PTPRM: variants seen among roughly 807,000 people sequenced by gnomAD.
PTPRM encodes the protein receptor-type tyrosine-protein phosphatase mu.
In PTPRM, 47 loss-of-function variants were observed where a neutral mutation model predicts 186.7. The ratio of observed to expected loss-of-function variants is 0.25; its 90% CI spans 0.20 to 0.32. PTPRM has a LOEUF of 0.32. Ranked by LOEUF, PTPRM falls within the 10% of genes least tolerant of loss-of-function variation. The pLI is 1.00. For missense variants in PTPRM, 1,494 were observed against 1,865.0 expected (o/e 0.80, Z 3.66); for synonymous variants, 668 against 674.9 (o/e 0.99, Z 0.16).
intron 3 of PTPRM, among the ~76,000 whole-genome samples, chr18:7,895,666 C>T (rs189488942): frequency 2.0e-5 from 3 of 152,304 alleles, no homozygotes; most frequent in East Asian, 3.9e-4. Flanking sequence ...TCTTCCAGAA[C>T]GTCCATTTCT....
intron 14 of PTPRM, among the ~76,000 whole-genome samples, chr18:8,153,758 T>C (rs118021759): frequency 0.01 from 1,535 of 152,338 alleles, 13 homozygotes; most frequent in Non-Finnish European, 0.016. Context: ...ACATTAATCA[T>C]AGAAAAATTG....
intron 1 of PTPRM, among the ~76,000 whole-genome samples, chr18:7,761,952 T>G (rs1157441317): frequency 6.6e-6 from 1 of 152,218 alleles, no homozygotes; most frequent in Non-Finnish European, 1.5e-5. Context: ...CGCTCCTTTC[T>G]AATAAAGATA....
At chr18:7,809,064 G>T (rs950382737) in intron 2 of PTPRM, among the ~76,000 whole-genome samples, 2 of 152,156 alleles carry the variant, frequency 1.3e-5, no homozygotes, top group Non-Finnish European at 2.9e-5. Flanking sequence ...TTACCCACAT[G>T]TGACAGTTAA....
chr18:8,264,824 G>C (rs1160043137), intron 19 of PTPRM, among the ~76,000 whole-genome samples: 1 of 149,420 alleles, frequency 6.7e-6, no homozygotes, highest in Non-Finnish European at 1.5e-5. Context: ...AGCACACACA[G>C]AGATGTTTAT....
Position 8,244,088 on chromosome 18 carries a change from G to C in PTPRM, c.2331G>C (p.Met777Ile). 6.2e-7 allele frequency: 1 copy of C among 1,609,996 alleles called. No homozygotes were observed. Among genetic ancestry groups the C allele is most frequent in the Non-Finnish European group, 8.5e-7 (1 of 1,178,772 alleles). ...TGGCCAAGAAGCGGAAAGAGACCAT[G>C]AGCAGCACCCGACAGGAGATGACTG... is the stretch of plus-strand genomic sequence containing the variant. ...RKLAKKRKET[M>I]SSTRQEMTVM... is the part of the protein sequence containing the mutation. The change falls in exon 15 of 33, where the codon ATG becomes ATC. Residue 777 changes from methionine (M) to isoleucine (I), a missense_variant. Met to Ile is a conservative substitution (Grantham distance 10, BLOSUM62 1). This residue lies in a region of PTPRM where 1,107 missense variants were observed against 1,350.2 expected (regional missense o/e 0.82). Transcript: ENST00000580170.
intron 1 of PTPRM, among the ~76,000 whole-genome samples, chr18:7,737,617 A>G (rs2040799669): frequency 1.3e-5 from 2 of 152,240 alleles, no homozygotes; most frequent in East Asian, 3.8e-4. Context: ...GTAAGTAGCC[A>G]CTGCCTAGTG....
At chr18:7,871,902 C>T (rs2048001467) in intron 2 of PTPRM, among the ~76,000 whole-genome samples, 2 of 152,174 alleles carry the variant, frequency 1.3e-5, no homozygotes, top group Admixed American at 1.3e-4. Context: ...ATACACAGTA[C>T]ATTTTAAAGT....
chr18:7,899,212 C>G (rs1212551729), intron 3 of PTPRM, among the ~76,000 whole-genome samples: 2 of 152,176 alleles, frequency 1.3e-5, no homozygotes, highest in African/African-American at 2.4e-5. Context: ...ATGGCACTAA[C>G]TAGACCACGA....
intron 1 of PTPRM, among the ~76,000 whole-genome samples, chr18:7,632,983 G>T (rs2144095877): frequency 6.6e-6 from 1 of 152,288 alleles, no homozygotes; most frequent in South Asian, 2.1e-4. Context: ...CTCAGGATTA[G>T]CCACTGATGC....
chr18:8,196,669 C>A (rs1178947483), intron 14 of PTPRM, among the ~76,000 whole-genome samples: 1 of 152,182 alleles, frequency 6.6e-6, no homozygotes, highest in South Asian at 2.1e-4. Flanking sequence ...TGTCAAAAAG[C>A]AGTTTGGAAA....
chr18:8,071,604 A>T (rs184852357), intron 8 of PTPRM, among the ~76,000 whole-genome samples: 91 of 152,226 alleles, frequency 6.0e-4, no homozygotes, highest in Admixed American at 1.5e-3. Flanking sequence ...TAGGAGTAAT[A>T]ACTTCTCCTT....
intron 19 of PTPRM, among the ~76,000 whole-genome samples, chr18:8,276,640 G>A (rs1204580641): frequency 6.6e-6 from 1 of 152,168 alleles, no homozygotes; most frequent in African/African-American, 2.4e-5. Context: ...CTAATTCTTA[G>A]AGAGCTCCAT....
At chr18:8,402,355 T>C (rs1280457236) in intron 32 of PTPRM, among the ~76,000 whole-genome samples, 8 of 152,216 alleles carry the variant, frequency 5.3e-5, no homozygotes, top group African/African-American at 1.9e-4. Context: ...TTGAAAATTA[T>C]AGTCATGCCT....
At chr18:8,198,227 G>A (rs1306241272) in intron 14 of PTPRM, among the ~76,000 whole-genome samples, 1 of 152,152 alleles carries the variant, frequency 6.6e-6, no homozygotes, top group South Asian at 2.1e-4. Flanking sequence ...GCTCACTGCA[G>A]CCTCGACTTC....
intron 14 of PTPRM, among the ~76,000 whole-genome samples, chr18:8,147,482 T>G (rs1015111015): frequency 6.6e-6 from 1 of 152,218 alleles, no homozygotes; most frequent in South Asian, 2.1e-4. Context: ...TGCTTGTTAT[T>G]TTTGCGTTGA....
intron 2 of PTPRM, among the ~76,000 whole-genome samples, chr18:7,787,099 A>C (rs558423974): frequency 1.3e-5 from 2 of 152,232 alleles, no homozygotes; most frequent in Non-Finnish European, 2.9e-5. Context: ...CACTTGATAC[A>C]ATAGCATTAT....
intron 23 of PTPRM, among the ~76,000 whole-genome samples, chr18:8,368,395 G>T (rs559867842): frequency 6.6e-6 from 1 of 152,006 alleles, no homozygotes; most frequent in Admixed American, 6.6e-5. Flanking sequence ...AGGTATCCAT[G>T]ATGTAAATTT....
intron 7 of PTPRM, among the ~76,000 whole-genome samples, chr18:8,034,291 C>A (rs2086186368): frequency 1.3e-5 from 2 of 152,070 alleles, no homozygotes; most frequent in Admixed American, 1.3e-4. Context: ...ATCCCAACAT[C>A]TAAAAGTCTC....
chr18:7,831,263 C>A (rs2045746076), intron 2 of PTPRM, among the ~76,000 whole-genome samples: 1 of 152,088 alleles, frequency 6.6e-6, no homozygotes. Flanking sequence ...TGGGGAGCAA[C>A]TCTGCCTTTC....
Sources: allele counts gnomAD v4.1 joint callset (sites outside exome capture counted in the v4.1 genomes callset), GRCh38; gene constraint gnomAD v4.1.1; regional missense constraint gnomAD v4.1.1; transcripts MANE v1.5; gene names NCBI Gene and HGNC (gene_info 2026-07-23, HGNC 2026-07-21).